DLC1: variants seen among roughly 807,000 people sequenced by gnomAD.
DLC1 encodes the protein DLC1 Rho GTPase activating protein, also known as rho GTPase-activating protein 7.
DLC1 carries 54 observed loss-of-function variants against 140.3 expected under a neutral mutation model. The observed-to-expected ratio is 0.38, with a 90% CI of 0.31 to 0.48. The LOEUF is 0.48. Among genes scored for constraint, DLC1 ranks in the 20% least tolerant of loss-of-function variants. DLC1 has a pLI of 0.96. For synonymous variants in DLC1, 986 were observed against 728.1 expected, an observed-to-expected ratio of 1.35 and a Z score of -5.70; for missense variants, 2,536 against 1,907.0, an observed-to-expected ratio of 1.33 and a Z score of -6.14.
intron 5 of DLC1, among the ~76,000 whole-genome samples, chr8:13,132,122 G>T (rs1468717240): frequency 1.3e-5 from 2 of 152,064 alleles, no homozygotes; most frequent in African/African-American, 4.8e-5. Flanking sequence ...CGGCCTCCTT[G>T]TCCGGGTCAA....
intron 5 of DLC1, among the ~76,000 whole-genome samples, chr8:13,211,266 T>C (rs1827927198): frequency 6.6e-6 from 1 of 152,162 alleles, no homozygotes; most frequent in Non-Finnish European, 1.5e-5. Context: ...AGCATAAATA[T>C]AGCTAGCCAT....
chr8:13,452,585 C>T (rs958744068), intron 2 of DLC1, among the ~76,000 whole-genome samples: 13 of 152,136 alleles, frequency 8.5e-5, no homozygotes, highest in African/African-American at 2.9e-4. Flanking sequence ...GAAAGTATTG[C>T]TTTGTTTTCT....
At chr8:13,468,443 G>A (rs1388605038) in intron 2 of DLC1, among the ~76,000 whole-genome samples, 2 of 148,442 alleles carry the variant, frequency 1.3e-5, no homozygotes, top group Non-Finnish European at 3.0e-5. Context: ...TATGGTGGTG[G>A]GATCATAGGT....
chr8:13,204,804 A>T (rs182492200), intron 5 of DLC1, among the ~76,000 whole-genome samples: 22 of 152,362 alleles, frequency 1.4e-4, no homozygotes, highest in Non-Finnish European at 2.4e-4. Context: ...TTCATTTATT[A>T]ACTCAGCCAG....
intron 5 of DLC1, among the ~76,000 whole-genome samples, chr8:13,145,669 G>A (rs1358193491): frequency 6.6e-6 from 1 of 152,154 alleles, no homozygotes. Flanking sequence ...TATTTTCACA[G>A]TGGAATATTA....
At chr8:13,469,028 C>T (rs1449668799) in intron 2 of DLC1, among the ~76,000 whole-genome samples, 1 of 151,652 alleles carries the variant, frequency 6.6e-6, no homozygotes, top group Admixed American at 6.6e-5. Flanking sequence ...ACGATGTTGG[C>T]CAGGATGGTC....
At chr8:13,273,322 C>A (rs1278322702) in intron 5 of DLC1, among the ~76,000 whole-genome samples, 3 of 152,152 alleles carry the variant, frequency 2.0e-5, no homozygotes, top group Non-Finnish European at 4.4e-5. Flanking sequence ...CCACTGTCAT[C>A]CTCAAAGTTC....
chr8:13,588,799 A>G (rs1236190326), intron 1 of DLC1, among the ~76,000 whole-genome samples: 2 of 152,088 alleles, frequency 1.3e-5, no homozygotes, highest in Admixed American at 1.3e-4. Flanking sequence ...TAGGAGAAGC[A>G]TAGGGGCTGG....
At chr8:13,281,988 A>G (rs1831380113) in intron 5 of DLC1, among the ~76,000 whole-genome samples, 1 of 152,176 alleles carries the variant, frequency 6.6e-6, no homozygotes, top group Non-Finnish European at 1.5e-5. Flanking sequence ...TTTGCTAATG[A>G]GGATATAGAC....
chr8:13,272,649 C>G (rs1341680631), intron 5 of DLC1, among the ~76,000 whole-genome samples: 3 of 151,884 alleles, frequency 2.0e-5, no homozygotes, highest in African/African-American at 7.3e-5. Flanking sequence ...ATCACGAGGT[C>G]AAGAGATCGA....
chr8:13,276,336 C>G, intron 5 of DLC1: 1 of 1,529,554 alleles, frequency 6.5e-7, no homozygotes, highest in Non-Finnish European at 8.7e-7. Flanking sequence ...GATGTGATCG[C>G]TAAAGGACCT....
intron 1 of DLC1, among the ~76,000 whole-genome samples, chr8:13,595,903 C>A (rs557044735): frequency 4.0e-5 from 6 of 151,878 alleles, no homozygotes; most frequent in African/African-American, 1.4e-4. Context: ...GTTACCACAT[C>A]AGAATTTTCA....
chr8:13,207,066 T>C (rs1827701878), intron 5 of DLC1, among the ~76,000 whole-genome samples: 1 of 152,182 alleles, frequency 6.6e-6, no homozygotes, highest in Non-Finnish European at 1.5e-5. Context: ...TAAAAATATT[T>C]TGGAAATGTG....
At chr8:13,551,075 C>CACACACACACACACACACT (rs71207163) in intron 1 of DLC1, among the ~76,000 whole-genome samples, 13 of 121,718 alleles carry the variant, frequency 1.1e-4, no homozygotes, top group African/African-American at 3.7e-4. Flanking sequence ...CACACACACA[C>CACACACACACACACACACT]TTTTTTTTTT....
At chr8:13,453,317 G>A (rs1190554226) in intron 2 of DLC1, among the ~76,000 whole-genome samples, 1 of 141,574 alleles carries the variant, frequency 7.1e-6, no homozygotes, top group Non-Finnish European at 1.5e-5. Context: ...TCCTTAGGAG[G>A]TGTTTTTGGT....
intron 1 of DLC1, among the ~76,000 whole-genome samples, chr8:13,552,226 G>GATAT (rs140356261): frequency 5.2e-5 from 7 of 135,804 alleles, no homozygotes; most frequent in South Asian, 2.3e-4. Flanking sequence ...TGTCTAGACA[G>GATAT]ATATATATAT....
chr8:13,202,540 T>G (rs1378116238), intron 5 of DLC1, among the ~76,000 whole-genome samples: 2 of 152,240 alleles, frequency 1.3e-5, no homozygotes, highest in Non-Finnish European at 2.9e-5. Flanking sequence ...TAAGCCTGCC[T>G]GTCTTCTTGG....
At chr8:13,237,891 G>C (rs1829362832) in intron 5 of DLC1, among the ~76,000 whole-genome samples, 1 of 150,838 alleles carries the variant, frequency 6.6e-6, no homozygotes, top group African/African-American at 2.4e-5. Context: ...TACATATATT[G>C]AAAGAAAGAA....
At chr8:13,110,920 T>C in intron 6 of DLC1, 97 bp from the exon 7 acceptor site, 3 of 1,065,768 alleles carry the variant, frequency 2.8e-6, no homozygotes, top group South Asian at 1.3e-5. Context: ...TCTTCAGCAA[T>C]ATACTAAGCA....
Sources: gnomAD v4.1 joint callset for allele counts (sites outside exome capture counted in the v4.1 genomes callset) on GRCh38, gnomAD v4.1.1 for gene constraint, MANE v1.5 for transcripts, NCBI Gene and HGNC (gene_info 2026-07-23, HGNC 2026-07-21) for gene names.